Variants in IGFN1 observed in about 807,000 individuals in gnomAD.
IGFN1 encodes immunoglobulin-like and fibronectin type III domain-containing protein 1.
Under a neutral mutation model 289.5 loss-of-function variants are expected in IGFN1, and 253 were observed. The observed-to-expected ratio is 0.87, with a 90% CI of 0.79 to 0.97. The LOEUF is 0.97. Ranked by LOEUF, IGFN1 falls within the 50% of genes least tolerant of loss-of-function variation. IGFN1 has a pLI of 0.00. For missense variants in IGFN1, 4,470 were observed against 4,686.1 expected (o/e 0.95, Z 1.35); for synonymous variants, 1,706 against 1,788.5 (o/e 0.95, Z 1.16).
rs561121413 is a variant in IGFN1 at position 201,191,668 on chromosome 1, T to C, written c.-48+761T>C. Among the ~76,000 whole-genome samples, 7 of 152,286 alleles carry C rather than the reference T, an allele frequency of 4.6e-5. No individual in the cohort carries two copies. The East Asian group carries it at 9.7e-4, about 21-fold the overall frequency. On this transcript the variant is annotated intron_variant, in intron 1 of 23. Transcript: ENST00000335211. ...CATTGACTTTGTACCAAATCTGGCT[T>C]ATTCTAAAAGAGAGTGGAGCTCCAG...
At chr1:201,219,658 A>G (rs553921314) in intron 18 of IGFN1, among the ~76,000 whole-genome samples, 1 of 152,350 alleles carries the variant, frequency 6.6e-6, no homozygotes, top group South Asian at 2.1e-4. Flanking sequence ...CTGGCACTTG[A>G]CGGATGGGCC....
chr1:201,207,171 T>A lies in IGFN1; in HGVS notation c.2278T>A (p.Cys760Ser). ...CTCACTGCAGGAGGCAGATGGTATA[T>A]GCCGGGGGGAGTCTGTAGTTACAGG... ...EDSLQEADGI[C>S]RGESVVTGSA... is the part of the protein sequence containing the mutation. Residue 760 changes from cysteine (C) to serine (S), a missense_variant, in exon 12 of 24, where the codon TGC (cysteine) becomes AGC (serine). By Grantham distance (112) the Cys-to-Ser change is moderately radical. Around this residue, in one of 8 missense-constraint regions of IGFN1, gnomAD observed 2,011 missense variants for 1,953.4 expected, o/e 1.03. Transcript: ENST00000335211. The A allele has an allele frequency of 6.5e-7, 1 of 1,536,910 alleles. No homozygotes were observed. The highest frequency in any genetic ancestry group is 8.7e-7 in the Non-Finnish European group (1 of 1,146,842).
rs774173649 is a variant in IGFN1, at chr1:201,214,238, C to T, written c.8790C>T (p.Ala2930=). The change falls in exon 13 of 24, where the codon GCC becomes GCT. Residue 2930 remains alanine (A), a synonymous_variant. Coordinates refer to ENST00000335211, the MANE Select transcript of IGFN1 (RefSeq NM_001164586.2). The stretch of plus-strand genomic sequence containing the variant: ...TGGAAGTGCAGCCGGGGGAGGCCGC[C>T]ACACTCTCCTGTACCCTCACCAGTG... ...ADMEVQPGEA[A]TLSCTLTSDL... 3.9e-5 allele frequency: 63 copies of T among 1,613,730 alleles called. No homozygotes were observed. Among genetic ancestry groups the T allele is most frequent in the Non-Finnish European group, 5.0e-5 (59 of 1,179,784 alleles).
Position 201,225,805 on chromosome 1 carries a change from T to C in IGFN1, c.10487-19T>C. 1 of 1,596,338 alleles carries C rather than the reference T, an allele frequency of 6.3e-7. No homozygotes were observed. On this transcript the variant is annotated intron_variant, in intron 21 of 23. Coordinates refer to ENST00000335211, the MANE Select transcript of IGFN1 (RefSeq NM_001164586.2). ...CTGGGTCCCCTCCACGTGACCTCCCTCTGCCGTCTCTCCTGAAGCATGCCC... is the reference window on the plus strand; with the variant it reads ...CTGGGTCCCCTCCACGTGACCTCCCCCTGCCGTCTCTCCTGAAGCATGCCC...
At chr1:201,213,680 G>T (rs1281336614) in intron 12 of IGFN1, 59 bp downstream of exon 12, 3 of 1,395,972 alleles carry the variant, frequency 2.1e-6, no homozygotes, top group South Asian at 2.5e-5. Flanking sequence ...GAGCTCCCTG[G>T]CCACTGGGAT....
Position 201,212,790 on chromosome 1 carries a change from G to A in IGFN1, c.7897G>A (p.Gly2633Arg), listed in dbSNP as rs1383677282. 6.4e-7 allele frequency: 1 copy of A among 1,551,528 alleles called. No individual in the cohort carries two copies. Among genetic ancestry groups the A allele is most frequent in the Non-Finnish European group, 8.7e-7 (1 of 1,146,930 alleles). Residue 2633 changes from glycine to arginine, a missense_variant, in exon 12 of 24, where the codon GGG (glycine) becomes AGG (arginine). This residue lies in a region of IGFN1 where 2,218 missense variants were observed against 2,114.1 expected (regional missense o/e 1.05). Coordinates refer to ENST00000335211, the MANE Select transcript of IGFN1 (RefSeq NM_001164586.2). ...TTGGGCTCCTGATTGGGAAAACCAG[G>A]GGTTTAGCCAAGGCAGCATAGATGC... The part of the protein sequence containing the change: ...NAWAPDWENQ[G>R]FSQGSIDAGK...
In IGFN1 at chr1:201,217,351, A is replaced by G. The variant is rs551423811; in HGVS notation, c.9660A>G (p.Thr3220=). 8 of 1,614,160 alleles carry G rather than the reference A, an allele frequency of 5.0e-6. No homozygotes were observed. The highest frequency in any genetic ancestry group is 2.2e-5 in the East Asian group (1 of 44,864). The change falls in exon 17 of 24, where the codon ACA becomes ACG. Residue 3220 remains threonine (T), a synonymous_variant. Coordinates refer to ENST00000335211, the MANE Select transcript of IGFN1 (RefSeq NM_001164586.2). ...CCTCCAGCCAGGGCATCACACTGAC[A>G]TGGACAGCACCTCGGGGCCCCGGCA... The part of the protein sequence containing the change: ...LSASSQGITL[T]WTAPRGPGSA...
rs1290472206 is a variant in IGFN1 at position 201,226,199 on chromosome 1, T to C, written c.10786+76T>C. ...CAATGCAGTGGGATGCACCCAAGCATGGCAAGCGCGCAGGATAGGGACTGT... is the reference window on the plus strand; with the variant it reads ...CAATGCAGTGGGATGCACCCAAGCACGGCAAGCGCGCAGGATAGGGACTGT... On this transcript the variant is annotated intron_variant, in intron 22 of 23. Coordinates refer to ENST00000335211, the MANE Select transcript of IGFN1 (RefSeq NM_001164586.2). 7.7e-6 allele frequency: 11 copies of C among 1,424,880 alleles called. No individual in the cohort carries two copies. In the Admixed American group the frequency reaches 2.6e-4, roughly 34 times the overall value. The allele number at this position is 1,424,880 out of a possible 1,614,324, so 88.3% of individuals were successfully genotyped here.
At chr1:201,214,152 G>C in intron 12 of IGFN1, 25 bp from the exon 13 acceptor site, 1 of 1,595,298 alleles carries the variant, frequency 6.3e-7, no homozygotes, top group Non-Finnish European at 8.5e-7. Context: ...GCTCGGCCCT[G>C]GGGATTCCCT....
Position 201,205,351 on chromosome 1 carries a change from G to T in IGFN1, c.1186G>T (p.Glu396Ter), listed in dbSNP as rs1263901214. ...CACTTCCAGCGCCTGGCTGGTGGTT[G>T]AAGGTGAGTGCTTCAAAACTCTGTC... is the stretch of plus-strand genomic sequence containing the variant. ...LYTSSAWLVV[E>*]AGKDKDLQST... Residue 396 changes from glutamate (E) to a stop codon, truncating the protein, a stop_gained, in exon 11 of 24, where the codon GAA (glutamate) becomes TAA (stop). Coordinates refer to ENST00000335211, the MANE Select transcript of IGFN1 (RefSeq NM_001164586.2). LOFTEE classifies it high-confidence loss of function. 1.3e-6 allele frequency: 2 copies of T among 1,531,128 alleles called. No individual in the cohort carries two copies. Among genetic ancestry groups the T allele is most frequent in the Admixed American group, 4.0e-5 (2 of 50,200 alleles). The allele number at this position is 1,531,128 out of a possible 1,614,324, so 94.8% of individuals were successfully genotyped here. A position where few individuals can be genotyped will look rare whatever the true frequency, so the allele number is the denominator to read the frequency against.
In IGFN1 at chr1:201,200,261, G is replaced by C. The variant is rs977690589; in HGVS notation, c.483G>C (p.Lys161Asn). The stretch of plus-strand genomic sequence containing the variant: ...GGGCCCCACCAGCCCCCAAGAAAAA[G>C]ATGGACCTTGAGCAGATATGGCAGC... The part of the protein sequence containing the change: ...KKRAPPAPKK[K>N]MDLEQIWQLL... The change falls in exon 8 of 24, where the codon AAG becomes AAC. Residue 161 changes from lysine to asparagine, a missense_variant. Lys to Asn is a moderately conservative substitution (Grantham distance 94). This residue lies in a region of IGFN1 where 2,011 missense variants were observed against 1,953.4 expected (regional missense o/e 1.03). Transcript: ENST00000335211. 1.3e-6 allele frequency: 2 copies of C among 1,551,720 alleles called. No individual in the cohort carries two copies. The highest frequency in any genetic ancestry group is 2.7e-5 in the African/African-American group (2 of 73,054).
At chr1:201,197,436 T>A in intron 5 of IGFN1, 119 bp downstream of exon 5, 2 of 673,128 alleles carry the variant, frequency 3.0e-6, no homozygotes, top group Non-Finnish European at 2.7e-6. Context: ...TCCAGGCTGC[T>A]GCCGCTGCTG....
intron 8 of IGFN1, among the ~76,000 whole-genome samples, chr1:201,200,714 G>A (rs1013066699): frequency 6.6e-6 from 1 of 152,134 alleles, no homozygotes; most frequent in Non-Finnish European, 1.5e-5. Flanking sequence ...TACCTTGTAG[G>A]GTTATTGGGA....
intron 16 of IGFN1, 54 bp from the exon 17 acceptor site, chr1:201,217,233 T>A: frequency 1.9e-6 from 3 of 1,549,516 alleles, no homozygotes; most frequent in Non-Finnish European, 2.7e-6. Context: ...GGGCTCCCCA[T>A]GAGCCGGCAC....
At chr1:201,223,968 A>C (rs537916219) in intron 20 of IGFN1, among the ~76,000 whole-genome samples, 15 of 152,242 alleles carry the variant, frequency 9.9e-5, no homozygotes, top group Non-Finnish European at 2.2e-4. Flanking sequence ...AGTAGTTACC[A>C]TGTCCTAGGC....
chr1:201,193,816 C>T (rs374615841), intron 2 of IGFN1, among the ~76,000 whole-genome samples: 1 of 152,146 alleles, frequency 6.6e-6, no homozygotes. Context: ...AAAGCCCCCA[C>T]ACGAGCTCCT....
chr1:201,192,393 C>G (rs979628771), intron 1 of IGFN1, among the ~76,000 whole-genome samples: 1 of 152,286 alleles, frequency 6.6e-6, no homozygotes, highest in Middle Eastern at 3.4e-3. Context: ...AGACATCCCC[C>G]CTCCCTGATT....
intron 19 of IGFN1, 91 bp from the exon 20 acceptor site, chr1:201,222,648 C>A: frequency 1.2e-6 from 1 of 803,268 alleles, no homozygotes. Context: ...CTGGCCCAGT[C>A]TTCCCCTCCA....
At chr1:201,217,539 G>A in intron 17 of IGFN1, 79 bp downstream of exon 17, 1 of 1,457,766 alleles carries the variant, frequency 6.9e-7, no homozygotes, top group Non-Finnish European at 9.4e-7. Context: ...AGTTCAGATT[G>A]GTTTAATACA....
Sources: gnomAD v4.1 joint callset for allele counts (sites outside exome capture counted in the v4.1 genomes callset) on GRCh38, gnomAD v4.1.1 for gene constraint, gnomAD v4.1.1 regional missense constraint, MANE v1.5 for transcripts, NCBI Gene and HGNC (gene_info 2026-07-23, HGNC 2026-07-21) for gene names.